The following TUNAR variants were observed in gnomAD, a reference collection of about 807,000 sequenced individuals.
TUNAR encodes the protein transmembrane neural differentiation associated intracellular calcium regulator.
intron 2 of TUNAR, among the ~76,000 whole-genome samples, chr14:95,884,259 C>T (rs1256609003): frequency 4.6e-5 from 7 of 152,138 alleles, no homozygotes; most frequent in Non-Finnish European, 1.0e-4. Context: ...AGGTGACCCT[C>T]AGGGCCCTGC....
chr14:95,922,960 C>A (rs61734413), exon 3 of TUNAR: 2 of 398,870 alleles, frequency 5.0e-6, no homozygotes, highest in Non-Finnish European at 8.8e-6. Flanking sequence ...TATACACCAC[C>A]CTGTGAATGG....
At chr14:95,901,768 AC>A (rs1889358113) in intron 2 of TUNAR, among the ~76,000 whole-genome samples, 1 of 152,178 alleles carries the variant, frequency 6.6e-6, no homozygotes, top group African/African-American at 2.4e-5. Flanking sequence ...AAAATAACAT[AC>A]TTTGGAGTAG....
intron 2 of TUNAR, among the ~76,000 whole-genome samples, chr14:95,881,165 G>A (rs72700921): frequency 0.19 from 28,238 of 152,122 alleles, 2,882 homozygotes; most frequent in Non-Finnish European, 0.23. Flanking sequence ...AGTAGCATAC[G>A]GAGGTGATTT....
intron 2 of TUNAR, among the ~76,000 whole-genome samples, chr14:95,905,879 G>A (rs1889421181): frequency 6.6e-6 from 1 of 152,142 alleles, no homozygotes; most frequent in Non-Finnish European, 1.5e-5. Context: ...ATTTATGTAT[G>A]TGATTATTTA....
intron 2 of TUNAR, among the ~76,000 whole-genome samples, chr14:95,878,717 T>TCGA (rs1371671334): frequency 6.6e-6 from 1 of 152,248 alleles, no homozygotes; most frequent in Non-Finnish European, 1.5e-5. Flanking sequence ...AAGCTCGAGC[T>TCGA]GTGCTTAATA....
intron 2 of TUNAR, among the ~76,000 whole-genome samples, chr14:95,897,888 A>T (rs1442212541): frequency 5.3e-5 from 8 of 151,602 alleles, no homozygotes; most frequent in African/African-American, 7.3e-5. Context: ...TGCCTTTTTC[A>T]TACTCTCCCT....
chr14:95,919,232 T>A (rs1485460573), intron 2 of TUNAR, among the ~76,000 whole-genome samples: 1 of 152,260 alleles, frequency 6.6e-6, no homozygotes, highest in African/African-American at 2.4e-5. Context: ...TTTGAAAAGC[T>A]GTTTAGCAGT....
intron 2 of TUNAR, among the ~76,000 whole-genome samples, chr14:95,892,288 C>T (rs1889192120): frequency 6.6e-6 from 1 of 152,252 alleles, no homozygotes; most frequent in African/African-American, 2.4e-5. Context: ...GGGCTGTGCT[C>T]ATGAGTCCCT....
chr14:95,897,188 G>A (rs1050957808), intron 2 of TUNAR, among the ~76,000 whole-genome samples: 10 of 152,272 alleles, frequency 6.6e-5, no homozygotes, highest in Non-Finnish European at 1.0e-4. Context: ...TCAGAACTTT[G>A]TCCCCACTTT....
At chr14:95,898,925 T>C (rs1266071613) in intron 2 of TUNAR, among the ~76,000 whole-genome samples, 1 of 152,206 alleles carries the variant, frequency 6.6e-6, no homozygotes, top group Non-Finnish European at 1.5e-5. Flanking sequence ...AGATTGTTCT[T>C]TGGCCAATGA....
chr14:95,905,586 C>G (rs1427974829), intron 2 of TUNAR, among the ~76,000 whole-genome samples: 1 of 152,210 alleles, frequency 6.6e-6, no homozygotes, highest in African/African-American at 2.4e-5. Flanking sequence ...TGACATTGAC[C>G]TCGATCACTG....
At chr14:95,922,982 C>T (rs1463970560) in exon 3 of TUNAR, 1 of 398,942 alleles carries the variant, frequency 2.5e-6, no homozygotes, top group Non-Finnish European at 4.4e-6. Context: ...CCAGAGCGTC[C>T]TCAGAGGCCT....
At position 95,887,390 on chromosome 14, in the gene TUNAR, C is replaced by T. The variant is rs376532283; in HGVS notation, c.12+10213C>T. Among the ~76,000 whole-genome samples the T allele has an allele frequency of 1.6e-4, 25 of 152,290 alleles. No homozygotes were observed. The East Asian group carries it at 1.9e-3, about 12-fold the overall frequency. Reference sequence around the variant, plus strand: ...GGTCAGTCTGGCTGAGCTTTTGGGGCAGCCTGGTGCTCCTGACTGTTTCTC... The same window carrying T: ...GGTCAGTCTGGCTGAGCTTTTGGGGTAGCCTGGTGCTCCTGACTGTTTCTC... On this transcript the variant is annotated intron_variant, in intron 2 of 2. Coordinates refer to ENST00000678517, the Ensembl canonical transcript of TUNAR.
chr14:95,882,340 CAG>C (rs1176338988), intron 2 of TUNAR, among the ~76,000 whole-genome samples: 1 of 152,192 alleles, frequency 6.6e-6, no homozygotes, highest in East Asian at 1.9e-4. Context: ...GATAAGAAGA[CAG>C]AGAAGTTCAT....
chr14:95,893,673 T>G (rs1195289779), intron 2 of TUNAR, among the ~76,000 whole-genome samples: 9 of 152,006 alleles, frequency 5.9e-5, no homozygotes, highest in Non-Finnish European at 1.0e-4. Context: ...CAGCTTTTGC[T>G]CAAGTGCTGG....
chr14:95,910,752 G>A (rs1453796320), intron 2 of TUNAR, among the ~76,000 whole-genome samples: 3 of 152,218 alleles, frequency 2.0e-5, no homozygotes, highest in Non-Finnish European at 4.4e-5. Context: ...CTGGGCATGG[G>A]CATGTGTGGA....
intron 2 of TUNAR, among the ~76,000 whole-genome samples, chr14:95,888,519 C>T (rs1421170955): frequency 3.3e-5 from 5 of 152,094 alleles, no homozygotes; most frequent in African/African-American, 4.8e-5. Context: ...CTTCCTCACT[C>T]GCATGTCTGG....
At chr14:95,904,963 C>T (rs1013484177) in intron 2 of TUNAR, among the ~76,000 whole-genome samples, 1 of 152,146 alleles carries the variant, frequency 6.6e-6, no homozygotes, top group Non-Finnish European at 1.5e-5. Context: ...CCACAAGGGC[C>T]CTGGAAGCTC....
chr14:95,916,178 C>T (rs1595125887), intron 2 of TUNAR, among the ~76,000 whole-genome samples: 1 of 152,208 alleles, frequency 6.6e-6, no homozygotes, highest in Non-Finnish European at 1.5e-5. Flanking sequence ...GTACCCACCA[C>T]CAGCTTGAGA....
Sources: allele counts gnomAD v4.1 joint callset (sites outside exome capture counted in the v4.1 genomes callset), GRCh38; gene constraint gnomAD v4.1.1; transcripts MANE v1.5; gene names NCBI Gene and HGNC (gene_info 2026-07-23, HGNC 2026-07-21).